The following TMEM245 variants were observed in gnomAD, a reference collection of about 807,000 sequenced individuals.
The protein encoded by TMEM245 is protein CG-2.
In TMEM245, 69 loss-of-function variants were observed where a neutral mutation model predicts 101.2. The ratio of observed to expected loss-of-function variants is 0.68; its 90% CI spans 0.56 to 0.83. TMEM245 has a LOEUF of 0.83. Among genes scored for constraint, TMEM245 ranks in the 40% least tolerant of loss-of-function variants. TMEM245 has a pLI of 0.00. For synonymous variants in TMEM245, 537 were observed against 449.8 expected (o/e 1.19, Z -2.45); for missense variants, 1,075 against 1,092.8 (o/e 0.98, Z 0.23).
chr9:109,056,364 C>A (rs191506432), intron 12 of TMEM245, among the ~76,000 whole-genome samples: 1 of 142,374 alleles, frequency 7.0e-6, no homozygotes, highest in Admixed American at 7.8e-5. Context: ...GAGGCCGAGG[C>A]AGGCAGATCA....
rs186634110 is a variant in TMEM245 at position 109,024,541 on chromosome 9, G to A, written c.2595-4036C>T. On this transcript the variant is annotated intron_variant, in intron 17 of 17. Coordinates refer to ENST00000374586, the MANE Select transcript of TMEM245 (RefSeq NM_032012.4). Reference sequence around the variant, plus strand: ...AATTAAACACACATCTATAAAACGCGTATTAAGTTCCAACAGAAGTGTAAG... The same window carrying A: ...AATTAAACACACATCTATAAAACGCATATTAAGTTCCAACAGAAGTGTAAG... 5.4e-4 allele frequency among the ~76,000 whole-genome samples: 83 copies of A among 152,310 alleles called. No homozygotes were observed. The East Asian group carries it at 0.013, about 24-fold the overall frequency.
At chr9:109,092,496 A>T (rs1299603675) in intron 4 of TMEM245, among the ~76,000 whole-genome samples, 1 of 152,258 alleles carries the variant, frequency 6.6e-6, no homozygotes, top group African/African-American at 2.4e-5. Flanking sequence ...GCTCTGAGTT[A>T]TCTTTCTAAT....
At chr9:109,033,191 G>C (rs1828016199) in intron 17 of TMEM245, 116 bp downstream of exon 17, 2 of 1,150,470 alleles carry the variant, frequency 1.7e-6, no homozygotes, top group South Asian at 4.1e-5. Context: ...CTTTATCACA[G>C]CATTGGTACT....
intron 3 of TMEM245, among the ~76,000 whole-genome samples, chr9:109,104,072 G>A (rs539136726): frequency 3.4e-4 from 51 of 151,492 alleles, no homozygotes; most frequent in Non-Finnish European, 5.7e-4. Context: ...CCAACAGAAC[G>A]AGACTCCATC....
Position 109,017,628 on chromosome 9 carries a change from C to A in TMEM245, c.*2832G>T, listed in dbSNP as rs1323561174. The A allele has an allele frequency of 6.6e-6, 1 of 152,164 alleles. No homozygotes were observed. Among genetic ancestry groups the A allele is most frequent in the African/African-American group, 2.4e-5 (1 of 41,428 alleles). 9.4% of individuals were successfully genotyped at this position (152,164 alleles called of 1,614,324 possible). ...TAATCTTTAATAAATCTATAAAATG[C>A]AAGATATTATGACCAAGTTCTGTAC... On this transcript the variant is annotated 3_prime_UTR_variant, in exon 18 of 18. Transcript: ENST00000374586.
intron 17 of TMEM245, among the ~76,000 whole-genome samples, chr9:109,029,285 C>G (rs1827880600): frequency 6.6e-6 from 1 of 152,090 alleles, no homozygotes; most frequent in South Asian, 2.1e-4. Context: ...AATCATGAAA[C>G]AACTCAAGAA....
chr9:109,021,429 T>C (rs1228062971), intron 17 of TMEM245, among the ~76,000 whole-genome samples: 1 of 152,226 alleles, frequency 6.6e-6, no homozygotes, highest in African/African-American at 2.4e-5. Flanking sequence ...ATAGAAGTTA[T>C]ATTGCTCCTT....
intron 9 of TMEM245, among the ~76,000 whole-genome samples, chr9:109,065,255 G>A (rs1829132666): frequency 6.6e-6 from 1 of 152,176 alleles, no homozygotes; most frequent in South Asian, 2.1e-4. Flanking sequence ...CTCAAAGTGT[G>A]GTCCACAAAC....
At chr9:109,084,718 C>T (rs1185111548) in intron 7 of TMEM245, among the ~76,000 whole-genome samples, 1 of 152,172 alleles carries the variant, frequency 6.6e-6, no homozygotes, top group Non-Finnish European at 1.5e-5. Flanking sequence ...TTAGAAACCA[C>T]ATTCTTTGGT....
rs554598787 is a variant in TMEM245, at chr9:109,048,619, A to G, written c.2123+1664T>C. ...GGAGGGTTTAATTTGAGACGTATTCATAAGAAGTAAAAATGTAGTTGAGTC... is the reference window on the plus strand; with the variant it reads ...GGAGGGTTTAATTTGAGACGTATTCGTAAGAAGTAAAAATGTAGTTGAGTC... On this transcript the variant is annotated intron_variant, in intron 14 of 17. Transcript: ENST00000374586. Among the ~76,000 whole-genome samples, 101 of 152,334 alleles carry G rather than the reference A, an allele frequency of 6.6e-4. 3 individuals are homozygous for G. In the South Asian group the frequency reaches 0.02, roughly 31 times the overall value.
At chr9:109,090,007 T>C (rs1829952199) in intron 5 of TMEM245, among the ~76,000 whole-genome samples, 1 of 152,204 alleles carries the variant, frequency 6.6e-6, no homozygotes, top group Admixed American at 6.5e-5. Context: ...ACTCCTGTAA[T>C]GCCAGCACTT....
At chr9:109,041,285 C>T (rs375732395) in intron 14 of TMEM245, among the ~76,000 whole-genome samples, 4 of 151,948 alleles carry the variant, frequency 2.6e-5, no homozygotes, top group Admixed American at 6.6e-5. Context: ...ACTATTCAGC[C>T]CCCCCAAAAG....
chr9:109,026,678 C>G (rs193216091), intron 17 of TMEM245, among the ~76,000 whole-genome samples: 1 of 150,898 alleles, frequency 6.6e-6, no homozygotes, highest in Non-Finnish European at 1.5e-5. Flanking sequence ...GTTTGGCTGT[C>G]TGTCCCCTGC....
intron 3 of TMEM245, 98 bp from the exon 4 acceptor site, chr9:109,093,689 A>C: frequency 1.0e-6 from 1 of 970,162 alleles, no homozygotes; most frequent in South Asian, 1.3e-5. Context: ...ACAAAATAAA[A>C]TGGTTACTAC....
At chr9:109,063,486 T>A (rs991776993) in intron 10 of TMEM245, among the ~76,000 whole-genome samples, 2 of 152,196 alleles carry the variant, frequency 1.3e-5, no homozygotes, top group Non-Finnish European at 2.9e-5. Context: ...TGTTTTTGAA[T>A]TTTCAATATG....
In TMEM245 at chr9:109,107,675, T is replaced by C. The variant is rs150234730; in HGVS notation, c.697+778A>G. Among the ~76,000 whole-genome samples, 560 of 152,328 alleles carry C rather than the reference T, an allele frequency of 3.7e-3. 2 individuals are homozygous for C. Among genetic ancestry groups the C allele is most frequent in the Middle Eastern group, 0.027 (8 of 294 alleles). On this transcript the variant is annotated intron_variant, in intron 2 of 17. Coordinates refer to ENST00000374586, the MANE Select transcript of TMEM245 (RefSeq NM_032012.4). The stretch of plus-strand genomic sequence containing the variant: ...TTTTTATTTTATTTTTAACAATAAG[T>C]AGTAGCTCTAGAAACTACTTTAAGG...
At chr9:109,053,758 G>A (rs1477472240) in intron 12 of TMEM245, among the ~76,000 whole-genome samples, 1 of 152,210 alleles carries the variant, frequency 6.6e-6, no homozygotes, top group Non-Finnish European at 1.5e-5. Context: ...CACCTTCTAT[G>A]GAGCCGGTGA....
intron 7 of TMEM245, among the ~76,000 whole-genome samples, chr9:109,083,915 A>AAAAAAAAAAAAAAAAAAAAAC (rs1171067579): frequency 7.1e-6 from 1 of 141,634 alleles, no homozygotes; most frequent in Non-Finnish European, 1.5e-5. Context: ...AAAAAAAAAA[A>AAAAAAAAAAAAAAAAAAAAAC]AAAAAAAAAA....
Position 109,106,441 on chromosome 9 carries a change from A to G in TMEM245, c.799+67T>C, listed in dbSNP as rs539875559. ...AGATTCAAAGCTGTTTCATCATAGC[A>G]TTTTTTAAAAAGCTACTCTCCAAAA... On this transcript the variant is annotated intron_variant, in intron 3 of 17. Transcript: ENST00000374586. 239 of 1,002,016 alleles carry G rather than the reference A, an allele frequency of 2.4e-4. 1 individual carries two copies. The African/African-American group carries it at 3.2e-3, about 14-fold the overall frequency. The allele number at this position is 1,002,016 out of a possible 1,614,324, so 62.1% of individuals were successfully genotyped here. A position where few individuals can be genotyped will look rare whatever the true frequency, so the allele number is the denominator to read the frequency against.
Sources: allele counts gnomAD v4.1 joint callset (sites outside exome capture counted in the v4.1 genomes callset), GRCh38; gene constraint gnomAD v4.1.1; transcripts MANE v1.5; gene names NCBI Gene and HGNC (gene_info 2026-07-23, HGNC 2026-07-21).